The following TBC1D22A variants were observed in gnomAD, a reference collection of about 807,000 sequenced individuals.
TBC1D22A encodes the protein putative GTPase activator.
TBC1D22A carries 38 observed loss-of-function variants against 60.2 expected under a neutral mutation model. That is an observed-to-expected ratio of 0.63 (90% CI 0.49 to 0.83). The LOEUF (loss-of-function observed/expected upper bound fraction) is 0.83. Ranked by LOEUF, TBC1D22A falls within the 40% of genes least tolerant of loss-of-function variation. The pLI is 0.00. For missense variants in TBC1D22A, 628 were observed against 701.0 expected, an observed-to-expected ratio of 0.90 and a Z score of 1.18; for synonymous variants, 302 against 281.7, an observed-to-expected ratio of 1.07 and a Z score of -0.72.
At position 47,009,213 on chromosome 22, in the gene TBC1D22A, C is replaced by T. The variant is rs935020549; in HGVS notation, c.1201+11504C>T. Among the ~76,000 whole-genome samples the T allele has an allele frequency of 1.3e-5, 2 of 152,128 alleles. No individual in the cohort carries two copies. Among genetic ancestry groups the T allele is most frequent in the African/African-American group, 4.8e-5 (2 of 41,408 alleles). ...GTGCCTGGCACACTTAAGTCTCATGCAGTGTTAGTACCCATTATTGTCATT... is the reference window on the plus strand; with the variant it reads ...GTGCCTGGCACACTTAAGTCTCATGTAGTGTTAGTACCCATTATTGTCATT... On this transcript the variant is annotated intron_variant, in intron 10 of 12. Coordinates refer to ENST00000337137, the MANE Select transcript of TBC1D22A (RefSeq NM_014346.5). This position sits in a 1 kb window ranked among gnomAD's most constrained non-coding sequence, Gnocchi z 5.8.
chr22:47,128,372 C>T (rs1341481929), intron 12 of TBC1D22A, among the ~76,000 whole-genome samples: 3 of 105,740 alleles, frequency 2.8e-5, no homozygotes, highest in Admixed American at 1.1e-4. Context: ...GCAGGGAGCC[C>T]CATGGTGGAG....
intron 10 of TBC1D22A, among the ~76,000 whole-genome samples, chr22:47,008,717 G>A (rs943517696): frequency 1.3e-5 from 2 of 152,226 alleles, no homozygotes; most frequent in African/African-American, 4.8e-5. Context: ...GGCGGCCAGT[G>A]CTGGCCCCTT....
At chr22:47,088,221 AGCACCCT>A (rs993059942) in intron 11 of TBC1D22A, among the ~76,000 whole-genome samples, 1 of 152,224 alleles carries the variant, frequency 6.6e-6, no homozygotes, top group African/African-American at 2.4e-5. Context: ...AGTGGAAATG[AGCACCCT>A]GCGGAGTCCT....
intron 4 of TBC1D22A, among the ~76,000 whole-genome samples, chr22:46,855,191 G>C (rs2087504836): frequency 6.6e-6 from 1 of 152,064 alleles, no homozygotes; most frequent in African/African-American, 2.4e-5. Context: ...TGCTGTCCTG[G>C]GATAATTATT....
chr22:46,983,638 C>T (rs1301195750), intron 9 of TBC1D22A, among the ~76,000 whole-genome samples: 2 of 150,820 alleles, frequency 1.3e-5, no homozygotes, highest in Admixed American at 1.3e-4. Context: ...AGGGAGGGTC[C>T]TTTGTGGCTC....
intron 7 of TBC1D22A, among the ~76,000 whole-genome samples, chr22:46,906,100 C>T (rs185396197): frequency 5.6e-4 from 85 of 152,228 alleles, no homozygotes; most frequent in South Asian, 1.2e-3. Flanking sequence ...CAGGGTGGAG[C>T]CATCTTGGTT....
chr22:46,871,719 G>A (rs2067301438), intron 4 of TBC1D22A, among the ~76,000 whole-genome samples: 2 of 152,170 alleles, frequency 1.3e-5, no homozygotes, highest in South Asian at 2.1e-4. Flanking sequence ...ACTTTTAAAT[G>A]CCTGTATGAG....
chr22:47,014,568 C>A (rs1336960463), intron 10 of TBC1D22A, among the ~76,000 whole-genome samples: 1 of 152,220 alleles, frequency 6.6e-6, no homozygotes, highest in Admixed American at 6.5e-5. Flanking sequence ...TATGCCCCAC[C>A]AAGCAGCCCC....
At chr22:46,873,700 T>C (rs1174661070) in intron 4 of TBC1D22A, among the ~76,000 whole-genome samples, 3 of 152,110 alleles carry the variant, frequency 2.0e-5, no homozygotes, top group Admixed American at 2.0e-4. Context: ...CCTCACAACA[T>C]GTGGTATTTG....
At chr22:47,153,957 G>A (rs1785308115) in intron 12 of TBC1D22A, among the ~76,000 whole-genome samples, 1 of 152,080 alleles carries the variant, frequency 6.6e-6, no homozygotes, top group South Asian at 2.1e-4. Flanking sequence ...CTGAAGGTCC[G>A]CAGAAGTCAC....
At chr22:46,785,398 T>TG (rs1266115205) in intron 1 of TBC1D22A, among the ~76,000 whole-genome samples, 27 of 152,342 alleles carry the variant, frequency 1.8e-4, no homozygotes, top group Admixed American at 3.9e-4. Flanking sequence ...AGGTAAAAGC[T>TG]GTATTGACTT....
chr22:47,046,099 C>A (rs1003853249), intron 11 of TBC1D22A, among the ~76,000 whole-genome samples: 2 of 152,188 alleles, frequency 1.3e-5, no homozygotes, highest in Non-Finnish European at 2.9e-5. Flanking sequence ...CCCTGGGCCT[C>A]TGGGTGATGT....
chr22:47,155,702 G>GGTCT (rs139928137), intron 12 of TBC1D22A, among the ~76,000 whole-genome samples: 22,816 of 152,044 alleles, frequency 0.15, 1,782 homozygotes, highest in Middle Eastern at 0.19. Flanking sequence ...GTTCTCCCAC[G>GGTCT]GTCTCCTGTG....
intron 4 of TBC1D22A, among the ~76,000 whole-genome samples, chr22:46,801,532 C>T (rs974092837): frequency 2.0e-5 from 3 of 152,262 alleles, no homozygotes; most frequent in African/African-American, 7.2e-5. Context: ...TCAATATTTA[C>T]TCACACAAAG....
At chr22:47,061,648 G>C (rs778423764) in intron 11 of TBC1D22A, among the ~76,000 whole-genome samples, 11 of 152,034 alleles carry the variant, frequency 7.2e-5, no homozygotes, top group Non-Finnish European at 1.5e-4. Flanking sequence ...CTTTTCACCT[G>C]ACTCCTTCCA....
In TBC1D22A at chr22:46,853,957, C is replaced by T. The variant is rs1008673808; in HGVS notation, c.638-24696C>T. On this transcript the variant is annotated intron_variant, in intron 4 of 12. Transcript: ENST00000337137. Reference sequence around the variant, plus strand: ...AGGCATTTTGCACCAATGGACACTTCGTGAAAAATTTTTTCCCAGGGTTCT... The same window carrying T: ...AGGCATTTTGCACCAATGGACACTTTGTGAAAAATTTTTTCCCAGGGTTCT... Among the ~76,000 whole-genome samples the T allele has an allele frequency of 3.9e-5, 6 of 152,204 alleles. 1 individual carries two copies. Among genetic ancestry groups the T allele is most frequent in the South Asian group, 4.1e-4 (2 of 4,832 alleles).
Position 46,958,103 on chromosome 22 carries a change from C to T in TBC1D22A, c.1016-16187C>T, listed in dbSNP as rs528135937. On this transcript the variant is annotated intron_variant, in intron 8 of 12. Transcript: ENST00000337137. ...GTTTCTGCAGGTCGGGGAGCAGTTACAGTGTTGAGTGTGGCTCTCATCAGG... is the reference window on the plus strand; with the variant it reads ...GTTTCTGCAGGTCGGGGAGCAGTTATAGTGTTGAGTGTGGCTCTCATCAGG... Among the ~76,000 whole-genome samples, 16 of 152,242 alleles carry T rather than the reference C, an allele frequency of 1.1e-4. No homozygotes were observed. In the East Asian group the frequency reaches 1.7e-3, roughly 17 times the overall value.
At chr22:47,123,226 C>CG (rs1305589008) in intron 12 of TBC1D22A, among the ~76,000 whole-genome samples, 1 of 152,120 alleles carries the variant, frequency 6.6e-6, no homozygotes. Context: ...AGCTGCTTCC[C>CG]GGGTGACGCT....
chr22:46,854,883 G>T (rs998111288), intron 4 of TBC1D22A, among the ~76,000 whole-genome samples: 1 of 152,082 alleles, frequency 6.6e-6, no homozygotes, highest in East Asian at 1.9e-4. Flanking sequence ...CTGATCCCCC[G>T]GCTCATTGTT....
Sources: allele counts gnomAD v4.1 joint callset (sites outside exome capture counted in the v4.1 genomes callset), GRCh38; gene constraint gnomAD v4.1.1; non-coding constraint Gnocchi (gnomAD v3.1); transcripts MANE v1.5; gene names NCBI Gene and HGNC (gene_info 2026-07-23, HGNC 2026-07-21).